MAMLD1: variants seen among roughly 807,000 people sequenced by gnomAD.
The protein encoded by MAMLD1 is mastermind like domain containing 1.
MAMLD1 carries 14 observed loss-of-function variants against 45.0 expected under a neutral mutation model. The ratio of observed to expected loss-of-function variants is 0.31; its 90% CI spans 0.21 to 0.49. The LOEUF (loss-of-function observed/expected upper bound fraction) is 0.49, where lower values mean the gene tolerates loss of function less well. MAMLD1 is among the 20% of genes least tolerant of loss of function. The pLI, the probability that MAMLD1 is intolerant of heterozygous loss-of-function variation, is 0.99. For missense variants in MAMLD1, 543 were observed against 603.6 expected (o/e 0.90, Z 1.05); for synonymous variants, 254 against 247.8 (o/e 1.02, Z -0.24).
intron 6 of MAMLD1, among the ~76,000 whole-genome samples, chrX:150,508,488 G>A (rs2037802499): frequency 1.8e-5 from 2 of 112,019 alleles, no homozygotes; most frequent in Non-Finnish European, 3.8e-5. Flanking sequence ...ACCAGGACAG[G>A]AAGCAGGCTA....
intron 1 of MAMLD1, among the ~76,000 whole-genome samples, chrX:150,424,294 A>G (rs2034628141): frequency 8.9e-6 from 1 of 112,705 alleles, no homozygotes; most frequent in South Asian, 3.7e-4. Flanking sequence ...CCTGGCCTCA[A>G]GCTGATTCAT....
chrX:150,374,515 A>G (rs1253074393), intron 1 of MAMLD1, among the ~76,000 whole-genome samples: 1 of 112,417 alleles, frequency 8.9e-6, no homozygotes, highest in African/African-American at 3.2e-5. Context: ...TTGCATTTCC[A>G]TTTGATGTGA....
intron 1 of MAMLD1, among the ~76,000 whole-genome samples, chrX:150,398,246 G>GAGAAAGAGA (rs1569564542): frequency 5.0e-4 from 35 of 70,087 alleles, no homozygotes; most frequent in Non-Finnish European, 8.6e-4. Flanking sequence ...GGAGAAGGAG[G>GAGAAAGAGA]AGAAGGAGAA....
At chrX:150,366,737 G>A (rs1316557052) in intron 1 of MAMLD1, among the ~76,000 whole-genome samples, 9 of 111,602 alleles carry the variant, frequency 8.1e-5, no homozygotes, top group Non-Finnish European at 1.5e-4. Context: ...CCTGCTCCCT[G>A]CTCTGGGGGC....
chrX:150,372,692 G>A (rs1489625511), intron 1 of MAMLD1, among the ~76,000 whole-genome samples: 3 of 112,514 alleles, frequency 2.7e-5, no homozygotes, highest in South Asian at 3.7e-4. Context: ...GGAATACGGA[G>A]TCAAACCTGA....
chrX:150,504,532 T>G, intron 6 of MAMLD1: 1 of 551,073 alleles, frequency 1.8e-6, no homozygotes, highest in Non-Finnish European at 2.2e-6. Context: ...CCTCAGCTGT[T>G]CACTCTTCAG....
At chrX:150,444,500 C>G (rs782163301) in intron 1 of MAMLD1, among the ~76,000 whole-genome samples, 2 of 111,759 alleles carry the variant, frequency 1.8e-5, no homozygotes, top group Non-Finnish European at 3.8e-5. Context: ...CCCAAGGTCC[C>G]TAACCAGTAT....
At chrX:150,481,369 TAAC>T (rs1406990258) in intron 5 of MAMLD1, among the ~76,000 whole-genome samples, 25 of 112,421 alleles carry the variant, frequency 2.2e-4, no homozygotes, top group Non-Finnish European at 3.8e-4. Context: ...AGAGAGAAAA[TAAC>T]AAGTGATGGT....
intron 5 of MAMLD1, among the ~76,000 whole-genome samples, chrX:150,481,617 G>A (rs1407846654): frequency 9.0e-6 from 1 of 110,619 alleles, no homozygotes; most frequent in Admixed American, 9.7e-5. Flanking sequence ...ATCGCTTGAG[G>A]CCAGGAGTTC....
At chrX:150,382,073 T>C (rs1425677580) in intron 1 of MAMLD1, among the ~76,000 whole-genome samples, 1 of 111,411 alleles carries the variant, frequency 9.0e-6, no homozygotes, top group Non-Finnish European at 1.9e-5. Flanking sequence ...CCCCAAGTCT[T>C]AGGTCCTGAA....
intron 1 of MAMLD1, among the ~76,000 whole-genome samples, chrX:150,441,046 A>G (rs1215316325): frequency 1.9e-5 from 2 of 104,453 alleles, no homozygotes; most frequent in Admixed American, 2.2e-4. Context: ...AATAATAAAA[A>G]TATTATTAAT....
At chrX:150,366,140 G>A (rs1468817949) in intron 1 of MAMLD1, among the ~76,000 whole-genome samples, 1 of 111,353 alleles carries the variant, frequency 9.0e-6, no homozygotes, top group East Asian at 2.8e-4. Flanking sequence ...TCTCCCAAGC[G>A]AAGTCAGATT....
chrX:150,395,273 G>A (rs1164312134), intron 1 of MAMLD1, among the ~76,000 whole-genome samples: 2 of 111,507 alleles, frequency 1.8e-5, no homozygotes, highest in Admixed American at 9.5e-5. Flanking sequence ...GCATACCTAG[G>A]ATAAATTCCA....
chrX:150,371,629 T>G (rs782719435), intron 1 of MAMLD1, among the ~76,000 whole-genome samples: 1 of 111,931 alleles, frequency 8.9e-6, no homozygotes, highest in Non-Finnish European at 1.9e-5. Flanking sequence ...AATTCCAAGT[T>G]CTTGGTCCAA....
chrX:150,447,186 T>C (rs1384358409), intron 2 of MAMLD1, among the ~76,000 whole-genome samples: 1 of 112,665 alleles, frequency 8.9e-6, no homozygotes, highest in East Asian at 2.8e-4. Context: ...AGATGGCCTT[T>C]AGAGCCCTTT....
At chrX:150,361,885 G>A (rs2031009345), upstream of MAMLD1, among the ~76,000 whole-genome samples, 1 of 112,847 alleles carries the variant, frequency 8.9e-6, no homozygotes, top group African/African-American at 3.2e-5. Context: ...GTCCGTCTTG[G>A]GATAACTGCG....
intron 1 of MAMLD1, among the ~76,000 whole-genome samples, chrX:150,403,680 C>T (rs1446408169): frequency 3.7e-5 from 4 of 109,058 alleles, no homozygotes; most frequent in Non-Finnish European, 5.7e-5. Context: ...TGGCTCATGC[C>T]TGTAGTCTCA....
chrX:150,367,833 GT>G (rs1410575262), intron 1 of MAMLD1, among the ~76,000 whole-genome samples: 1 of 110,704 alleles, frequency 9.0e-6, no homozygotes, highest in Non-Finnish European at 1.9e-5. Context: ...CCTTGCGATA[GT>G]TTGCTGAGAA....
chrX:150,404,302 A>G (rs2124526534), intron 1 of MAMLD1, among the ~76,000 whole-genome samples: 1 of 112,404 alleles, frequency 8.9e-6, no homozygotes, highest in South Asian at 3.7e-4. Context: ...AATTTCCTTC[A>G]TAAACAGCTT....
Sources: allele counts gnomAD v4.1 joint callset (sites outside exome capture counted in the v4.1 genomes callset), GRCh38; gene constraint gnomAD v4.1.1; transcripts MANE v1.5; gene names NCBI Gene and HGNC (gene_info 2026-07-23, HGNC 2026-07-21).